SHISA9: variants seen among roughly 807,000 people sequenced by gnomAD.
SHISA9 encodes shisa family member 9.
SHISA9 carries 13 observed loss-of-function variants against 38.0 expected under a neutral mutation model. The ratio of observed to expected loss-of-function variants is 0.34; its 90% CI spans 0.22 to 0.54. The LOEUF (loss-of-function observed/expected upper bound fraction) is 0.54, where lower values mean the gene tolerates loss of function less well. Ranked by LOEUF, SHISA9 falls within the 20% of genes least tolerant of loss-of-function variation. The pLI, the probability that SHISA9 is intolerant of heterozygous loss-of-function variation, is 0.91. For missense variants in SHISA9, 538 were observed against 575.8 expected (o/e 0.93, Z 0.67); for synonymous variants, 275 against 242.0 (o/e 1.14, Z -1.27).
the SHISA9 span, among the ~76,000 whole-genome samples, chr16:13,544,039 T>A: frequency 6.6e-6 from 1 of 152,044 alleles, no homozygotes; most frequent in Non-Finnish European, 1.5e-5. Context: ...AGCAACCCCA[T>A]GGACATGAAA....
At chr16:13,475,448 A>G in the SHISA9 span, among the ~76,000 whole-genome samples, 4 of 152,122 alleles carry the variant, frequency 2.6e-5, no homozygotes, top group East Asian at 7.7e-4. Context: ...TTTATTATGT[A>G]TTTATTTATT....
At chr16:13,377,318 C>G in the SHISA9 span, among the ~76,000 whole-genome samples, 2 of 152,330 alleles carry the variant, frequency 1.3e-5, no homozygotes, top group South Asian at 2.1e-4. Context: ...GCCGTGTACT[C>G]AAGGATGAGC....
intron 4 of SHISA9, among the ~76,000 whole-genome samples, chr16:13,228,645 C>T (rs1251543804): frequency 6.6e-6 from 1 of 152,144 alleles, no homozygotes; most frequent in Non-Finnish European, 1.5e-5. Flanking sequence ...AGAAAGATAG[C>T]TTCCACCCCT....
intron 2 of SHISA9, among the ~76,000 whole-genome samples, chr16:13,124,298 C>A (rs2050238156): frequency 6.6e-6 from 1 of 152,132 alleles, no homozygotes; most frequent in Admixed American, 6.5e-5. Context: ...GAACAGTCAC[C>A]AAATTGGAGC....
At chr16:13,387,932 A>G in the SHISA9 span, among the ~76,000 whole-genome samples, 1 of 151,382 alleles carries the variant, frequency 6.6e-6, no homozygotes, top group African/African-American at 2.4e-5. Flanking sequence ...CCCTCCTAGA[A>G]AAAAAAAAGA....
At chr16:12,933,297 T>C (rs753665748) in intron 2 of SHISA9, among the ~76,000 whole-genome samples, 5 of 152,030 alleles carry the variant, frequency 3.3e-5, no homozygotes, top group Non-Finnish European at 5.9e-5. Flanking sequence ...GTTGTCTTTG[T>C]TGTCTTTTTT....
the SHISA9 span, among the ~76,000 whole-genome samples, chr16:13,461,606 C>CTT: frequency 3.9e-5 from 5 of 128,610 alleles, no homozygotes; most frequent in East Asian, 2.4e-4. Flanking sequence ...TATAGACTTT[C>CTT]TTTTTTTTTT....
the SHISA9 span, among the ~76,000 whole-genome samples, chr16:13,372,379 C>G: frequency 6.6e-6 from 1 of 152,192 alleles, no homozygotes; most frequent in Non-Finnish European, 1.5e-5. Flanking sequence ...GGCTTATATT[C>G]AGTCTATCTA....
At chr16:13,472,569 T>C in the SHISA9 span, among the ~76,000 whole-genome samples, 1 of 151,796 alleles carries the variant, frequency 6.6e-6, no homozygotes, top group East Asian at 1.9e-4. Flanking sequence ...TTTTTTTGTA[T>C]TTTTAGTAGA....
intron 2 of SHISA9, among the ~76,000 whole-genome samples, chr16:13,104,900 CA>C (rs1336860456): frequency 6.6e-6 from 1 of 152,100 alleles, no homozygotes; most frequent in African/African-American, 2.4e-5. Context: ...TAGATTCTGA[CA>C]GACCTTAATT....
At chr16:12,980,880 C>A (rs529852723) in intron 2 of SHISA9, among the ~76,000 whole-genome samples, 1 of 151,952 alleles carries the variant, frequency 6.6e-6, no homozygotes, top group East Asian at 1.9e-4. Flanking sequence ...TTATATTTTT[C>A]ATGCCTGATA....
chr16:13,349,788 A>G, the SHISA9 span, among the ~76,000 whole-genome samples: 1,635 of 152,250 alleles, frequency 0.011, 15 homozygotes, highest in Middle Eastern at 0.034. Context: ...TCATGTAGGG[A>G]TGGTTACTTT....
chr16:13,016,966 G>C (rs897508096), intron 2 of SHISA9, among the ~76,000 whole-genome samples: 9 of 151,860 alleles, frequency 5.9e-5, no homozygotes, highest in African/African-American at 1.5e-4. Flanking sequence ...CATGTATGCT[G>C]GGGTCTCTGA....
chr16:13,517,097 C>T, the SHISA9 span, among the ~76,000 whole-genome samples: 2 of 151,988 alleles, frequency 1.3e-5, no homozygotes, highest in African/African-American at 4.8e-5. Context: ...GCCTTAAATC[C>T]AGTAGCTGGT....
chr16:13,194,195 T>C (rs2050915075), intron 2 of SHISA9, among the ~76,000 whole-genome samples: 1 of 145,968 alleles, frequency 6.9e-6, no homozygotes, highest in African/African-American at 2.6e-5. Flanking sequence ...CGGTCCTTAA[T>C]ATGCCGAAAG....
At chr16:13,445,881 C>T in the SHISA9 span, among the ~76,000 whole-genome samples, 1 of 152,152 alleles carries the variant, frequency 6.6e-6, no homozygotes, top group Non-Finnish European at 1.5e-5. Context: ...AACATTACCT[C>T]CAAGACTAGT....
At chr16:13,199,844 T>C (rs573034815) in intron 2 of SHISA9, among the ~76,000 whole-genome samples, 2 of 152,180 alleles carry the variant, frequency 1.3e-5, no homozygotes, top group Non-Finnish European at 2.9e-5. Context: ...TCTGAATTAC[T>C]GTATAGCACA....
At chr16:13,046,905 T>C (rs1374321723) in intron 2 of SHISA9, among the ~76,000 whole-genome samples, 2 of 152,180 alleles carry the variant, frequency 1.3e-5, no homozygotes, top group African/African-American at 4.8e-5. Flanking sequence ...GGTTATGTCC[T>C]CCTGGAACCT....
chr16:13,083,283 A>G (rs942472101), intron 2 of SHISA9, among the ~76,000 whole-genome samples: 4 of 152,142 alleles, frequency 2.6e-5, no homozygotes, highest in East Asian at 1.9e-4. Flanking sequence ...AAGTTGCTCA[A>G]CTTCTCATGG....
Sources: allele counts gnomAD v4.1 joint callset (sites outside exome capture counted in the v4.1 genomes callset), GRCh38; gene constraint gnomAD v4.1.1; transcripts MANE v1.5; gene names NCBI Gene and HGNC (gene_info 2026-07-23, HGNC 2026-07-21).